The following KANK1 variants were observed in gnomAD, a reference collection of about 807,000 sequenced individuals.
KANK1 encodes KN motif and ankyrin repeat domain-containing protein 1.
KANK1 carries 109 observed loss-of-function variants against 106.2 expected under a neutral mutation model. That is an observed-to-expected ratio of 1.03 (90% CI 0.88 to 1.20). The LOEUF is 1.20. Ranked by LOEUF, KANK1 falls within the 50% of genes most tolerant of loss-of-function variation. KANK1 has a pLI of 0.00. For missense variants in KANK1, 2,399 were observed against 1,710.7 expected (o/e 1.40, Z -7.10); for synonymous variants, 873 against 652.2 (o/e 1.34, Z -5.16).
At chr9:680,486 A>G (rs1365326020) in intron 2 of KANK1, among the ~76,000 whole-genome samples, 1 of 152,216 alleles carries the variant, frequency 6.6e-6, no homozygotes, top group Non-Finnish European at 1.5e-5. Context: ...CAGACATACA[A>G]AATGTGTGAA....
At chr9:563,295 G>A (rs902258541) in intron 1 of KANK1, among the ~76,000 whole-genome samples, 2 of 151,798 alleles carry the variant, frequency 1.3e-5, no homozygotes, top group Admixed American at 6.6e-5. Context: ...TCCCTAATAC[G>A]GCAACTTTGT....
At chr9:499,109 C>T (rs921642064) in intron 3 of KANK1, among the ~76,000 whole-genome samples, 8 of 147,556 alleles carry the variant, frequency 5.4e-5, no homozygotes, top group East Asian at 2.0e-4. Context: ...ACCTGGGAGG[C>T]GGAGCTTGCA....
At chr9:682,641 A>G (rs1817798928) in intron 2 of KANK1, among the ~76,000 whole-genome samples, 1 of 152,184 alleles carries the variant, frequency 6.6e-6, no homozygotes, top group Non-Finnish European at 1.5e-5. Flanking sequence ...TGCAGAGAAC[A>G]TCTTCCCTGG....
Position 636,306 on chromosome 9 carries a change from C to T in KANK1, c.-83-40584C>T, listed in dbSNP as rs191940980. Among the ~76,000 whole-genome samples the T allele has an allele frequency of 1.2e-3, 180 of 152,294 alleles. 1 individual carries two copies. Among genetic ancestry groups the T allele is most frequent in the African/African-American group, 4.2e-3 (176 of 41,544 alleles). Reference sequence around the variant, plus strand: ...TTTCAAACTTTTCAGAGCTCTTATCCAGACTGCTGCCATATATTACTGCTT... The same window carrying T: ...TTTCAAACTTTTCAGAGCTCTTATCTAGACTGCTGCCATATATTACTGCTT... On this transcript the variant is annotated intron_variant, in intron 1 of 11. Coordinates refer to ENST00000382297, the MANE Select transcript of KANK1 (RefSeq NM_015158.5).
At chr9:600,848 A>G (rs1331466091) in intron 1 of KANK1, among the ~76,000 whole-genome samples, 1 of 151,848 alleles carries the variant, frequency 6.6e-6, no homozygotes, top group Non-Finnish European at 1.5e-5. Flanking sequence ...ATTTGCTAAC[A>G]TGTTCTAAAG....
At chr9:633,572 G>GT (rs1240270732) in intron 1 of KANK1, among the ~76,000 whole-genome samples, 2 of 152,166 alleles carry the variant, frequency 1.3e-5, no homozygotes, top group African/African-American at 4.8e-5. Flanking sequence ...CCATAGCATT[G>GT]TATCCAGATT....
chr9:584,987 G>A (rs1201365714), intron 1 of KANK1, among the ~76,000 whole-genome samples: 3 of 152,114 alleles, frequency 2.0e-5, no homozygotes, highest in Non-Finnish European at 4.4e-5. Flanking sequence ...ACTGCCCTTA[G>A]GGGTCATGAG....
chr9:741,643 A>G (rs983338584), intron 9 of KANK1, among the ~76,000 whole-genome samples: 2 of 151,310 alleles, frequency 1.3e-5, no homozygotes, highest in Admixed American at 1.3e-4. Context: ...GCCCACCCCC[A>G]CGTCCGGCTT....
intron 1 of KANK1, among the ~76,000 whole-genome samples, chr9:634,842 T>A (rs1405778735): frequency 3.3e-5 from 5 of 152,182 alleles, no homozygotes; most frequent in Admixed American, 2.0e-4. Context: ...ACTGATATCA[T>A]TAGGGGCCCA....
At chr9:658,729 G>C (rs1842678089) in intron 1 of KANK1, among the ~76,000 whole-genome samples, 1 of 152,074 alleles carries the variant, frequency 6.6e-6, no homozygotes, top group Non-Finnish European at 1.5e-5. Flanking sequence ...TTGTTGAAAA[G>C]ACTTTCCTTC....
At chr9:619,356 A>G (rs1832610031) in intron 1 of KANK1, among the ~76,000 whole-genome samples, 1 of 152,232 alleles carries the variant, frequency 6.6e-6, no homozygotes. Flanking sequence ...GTATTAAATT[A>G]GGGCAGCAGC....
intron 1 of KANK1, among the ~76,000 whole-genome samples, chr9:509,558 T>C (rs1460330162): frequency 1.3e-5 from 2 of 152,246 alleles, no homozygotes; most frequent in African/African-American, 4.8e-5. Context: ...TCTGACTTTT[T>C]AATCCCTGCA....
At chr9:547,379 G>A (rs1446046805) in intron 1 of KANK1, 5 of 152,178 alleles carry the variant, frequency 3.3e-5, no homozygotes, top group Admixed American at 3.3e-4. Context: ...TCTGTTTTCA[G>A]AAATATTTTA....
intron 4 of KANK1, chr9:730,947 A>AT (rs993238954): frequency 8.1e-6 from 3 of 370,088 alleles, no homozygotes; most frequent in African/African-American, 4.3e-5. Flanking sequence ...GGACTAATTG[A>AT]TTTTTTTCCC....
At chr9:672,232 T>G (rs1815336836) in intron 1 of KANK1, among the ~76,000 whole-genome samples, 1 of 152,222 alleles carries the variant, frequency 6.6e-6, no homozygotes, top group African/African-American at 2.4e-5. Flanking sequence ...TGTGCTTGTT[T>G]CTTATGTATA....
At chr9:473,786 G>T (rs2058059680) in intron 3 of KANK1, among the ~76,000 whole-genome samples, 1 of 151,472 alleles carries the variant, frequency 6.6e-6, no homozygotes, top group Non-Finnish European at 1.5e-5. Context: ...TGCAACCTCT[G>T]CCTCCATGGT....
At chr9:546,878 G>A (rs1048543953) in intron 1 of KANK1, among the ~76,000 whole-genome samples, 3 of 152,004 alleles carry the variant, frequency 2.0e-5, no homozygotes, top group African/African-American at 7.2e-5. Context: ...TGTCAGGCTT[G>A]GAAAAAAGAC....
intron 3 of KANK1, among the ~76,000 whole-genome samples, chr9:486,032 G>A (rs1320226588): frequency 6.6e-6 from 1 of 152,136 alleles, no homozygotes; most frequent in African/African-American, 2.4e-5. Context: ...TCTTTAGCCA[G>A]TTTGACTTGT....
chr9:558,110 G>A (rs1010388242), intron 1 of KANK1, among the ~76,000 whole-genome samples: 3 of 152,220 alleles, frequency 2.0e-5, no homozygotes, highest in Admixed American at 1.3e-4. Context: ...AAAAACCAGT[G>A]TAGAATGGGC....
Sources: allele counts gnomAD v4.1 joint callset (sites outside exome capture counted in the v4.1 genomes callset), GRCh38; gene constraint gnomAD v4.1.1; transcripts MANE v1.5; gene names NCBI Gene and HGNC (gene_info 2026-07-23, HGNC 2026-07-21).